Variants in APP observed in about 807,000 individuals in gnomAD.
The protein encoded by APP is amyloid beta precursor protein.
A neutral mutation model predicts 101.4 loss-of-function variants in APP; 31 were observed. That is an observed-to-expected ratio of 0.31 (90% CI 0.23 to 0.41). The LOEUF (loss-of-function observed/expected upper bound fraction) is 0.41. Ranked by LOEUF, APP falls within the 10% of genes least tolerant of loss-of-function variation. The pLI is 1.00. For synonymous variants in APP, 366 were observed against 364.4 expected (o/e 1.00, Z -0.05); for missense variants, 839 against 1,003.7 (o/e 0.84, Z 2.22).
chr21:25,923,109 G>C (rs888919937), intron 13 of APP, among the ~76,000 whole-genome samples: 4 of 123,856 alleles, frequency 3.2e-5, no homozygotes, highest in African/African-American at 1.3e-4. Flanking sequence ...TGACAAACCT[G>C]AGAAAAACAA....
chr21:26,096,324 T>C (rs1199585395), intron 2 of APP, among the ~76,000 whole-genome samples: 6 of 152,224 alleles, frequency 3.9e-5, no homozygotes, highest in Admixed American at 6.5e-5. Flanking sequence ...TGGCATGTTA[T>C]AGCCTCCCCG....
chr21:26,165,084 G>C (rs1248899628), intron 1 of APP, among the ~76,000 whole-genome samples: 2 of 152,058 alleles, frequency 1.3e-5, no homozygotes, highest in African/African-American at 2.4e-5. Flanking sequence ...AATTGTATCT[G>C]AGATACCATG....
intron 1 of APP, among the ~76,000 whole-genome samples, chr21:26,158,606 C>T (rs1455658101): frequency 6.6e-6 from 1 of 152,196 alleles, no homozygotes; most frequent in Non-Finnish European, 1.5e-5. Context: ...AATGCCTCGT[C>T]CCCATTTTAG....
intron 17 of APP, among the ~76,000 whole-genome samples, chr21:25,888,789 A>T (rs988763941): frequency 1.3e-5 from 2 of 152,198 alleles, no homozygotes; most frequent in African/African-American, 4.8e-5. Context: ...AGAGCGTTTT[A>T]ATTCAGGCAG....
chr21:26,069,530 C>A (rs920191197), intron 3 of APP, among the ~76,000 whole-genome samples: 2 of 152,180 alleles, frequency 1.3e-5, no homozygotes, highest in Non-Finnish European at 2.9e-5. Flanking sequence ...ACACTCATCA[C>A]TGCACATATC....
At chr21:26,001,102 G>C (rs1418890563) in intron 6 of APP, among the ~76,000 whole-genome samples, 3 of 152,114 alleles carry the variant, frequency 2.0e-5, no homozygotes, top group Non-Finnish European at 2.9e-5. Context: ...CCTTGGGCAG[G>C]AATGTTCCAA....
At chr21:26,106,397 T>G (rs2062183767) in intron 2 of APP, among the ~76,000 whole-genome samples, 1 of 152,150 alleles carries the variant, frequency 6.6e-6, no homozygotes, top group Non-Finnish European at 1.5e-5. Flanking sequence ...AGGGGGTTTT[T>G]ATCACCTGGC....
chr21:26,016,320 A>G (rs1268606412), intron 6 of APP, among the ~76,000 whole-genome samples: 1 of 152,254 alleles, frequency 6.6e-6, no homozygotes, highest in Non-Finnish European at 1.5e-5. Context: ...GGCGTGAGCC[A>G]CAGCGCCAGC....
intron 13 of APP, among the ~76,000 whole-genome samples, chr21:25,951,088 G>GA (rs2041055338): frequency 6.6e-6 from 1 of 152,038 alleles, no homozygotes; most frequent in Non-Finnish European, 1.5e-5. Context: ...AAGTTAGTGG[G>GA]AAAGTAGCAT....
Position 26,168,278 on chromosome 21 carries a change from G to A in APP, c.57+2286C>T, listed in dbSNP as rs73349679. Reference sequence around the variant, plus strand: ...CATTTCTTTTCTACAGCCACCTGCAGCAGACCTATTTTCTAAGCTCTATAA... The same window carrying A: ...CATTTCTTTTCTACAGCCACCTGCAACAGACCTATTTTCTAAGCTCTATAA... On this transcript the variant is annotated intron_variant, in intron 1 of 17. Coordinates refer to ENST00000346798, the MANE Select transcript of APP (RefSeq NM_000484.4). 5.7e-3 allele frequency among the ~76,000 whole-genome samples: 866 copies of A among 152,144 alleles called. 10 individuals are homozygous for A. The highest frequency in any genetic ancestry group is 0.02 in the African/African-American group (828 of 41,484).
chr21:26,058,100 T>C (rs1312641345), intron 3 of APP, among the ~76,000 whole-genome samples: 3 of 152,218 alleles, frequency 2.0e-5, no homozygotes, highest in Non-Finnish European at 4.4e-5. Flanking sequence ...GACCAGCGTA[T>C]TCCTATCTTT....
At chr21:26,011,237 G>A (rs868576629) in intron 6 of APP, among the ~76,000 whole-genome samples, 42 of 151,910 alleles carry the variant, frequency 2.8e-4, no homozygotes, top group Middle Eastern at 3.4e-3. Context: ...CATCATGCCC[G>A]GCTAATTTTT....
At chr21:26,067,549 T>G (rs2046504799) in intron 3 of APP, among the ~76,000 whole-genome samples, 1 of 152,202 alleles carries the variant, frequency 6.6e-6, no homozygotes, top group South Asian at 2.1e-4. Flanking sequence ...CAGTACACCA[T>G]TTTATGCGCT....
chr21:26,149,657 G>A (rs1282866524), intron 1 of APP, among the ~76,000 whole-genome samples: 1 of 152,132 alleles, frequency 6.6e-6, no homozygotes, highest in East Asian at 1.9e-4. Flanking sequence ...AAGAAAAGAT[G>A]AATTGCTGTA....
At chr21:26,046,191 C>CA (rs1195132442) in intron 5 of APP, among the ~76,000 whole-genome samples, 4 of 151,752 alleles carry the variant, frequency 2.6e-5, no homozygotes, top group African/African-American at 9.7e-5. Context: ...CACTGCCCCC[C>CA]AAACCAGAGA....
chr21:25,888,522 TGAG>T (rs1398567045), intron 17 of APP, among the ~76,000 whole-genome samples: 1 of 152,050 alleles, frequency 6.6e-6, no homozygotes, highest in Admixed American at 6.6e-5. Flanking sequence ...ACAAAGGTCT[TGAG>T]GGGAAGGAGC....
intron 5 of APP, among the ~76,000 whole-genome samples, chr21:26,032,331 T>C (rs2044866362): frequency 6.6e-6 from 1 of 152,204 alleles, no homozygotes; most frequent in African/African-American, 2.4e-5. Flanking sequence ...ATGAAATTTG[T>C]GAATTCTTTT....
At chr21:25,893,303 A>AACCCT (rs1294002383) in intron 16 of APP, among the ~76,000 whole-genome samples, 1 of 152,192 alleles carries the variant, frequency 6.6e-6, no homozygotes, top group Non-Finnish European at 1.5e-5. Context: ...GCCAGTAAAT[A>AACCCT]ACCCTACAGT....
chr21:25,975,023 G>A lies in APP; in HGVS notation c.1458+47C>T, dbSNP rs2042171785. ...CAGTTCCCAGTGCCCCACCCTTACTGTCTGTGCTGTGACCTGAAGTGTGAA... is the reference window on the plus strand; with the variant it reads ...CAGTTCCCAGTGCCCCACCCTTACTATCTGTGCTGTGACCTGAAGTGTGAA... On this transcript the variant is annotated intron_variant, in intron 11 of 17. Coordinates refer to ENST00000346798, the MANE Select transcript of APP (RefSeq NM_000484.4). 3 of 1,612,136 alleles carry A rather than the reference G, an allele frequency of 1.9e-6. No individual in the cohort carries two copies. The African/African-American group carries it at 4.0e-5, about 22-fold the overall frequency.
Sources: allele counts gnomAD v4.1 joint callset (sites outside exome capture counted in the v4.1 genomes callset), GRCh38; gene constraint gnomAD v4.1.1; transcripts MANE v1.5; gene names NCBI Gene and HGNC (gene_info 2026-07-23, HGNC 2026-07-21).